Variants in MYO16 observed in about 807,000 individuals in gnomAD.
The protein encoded by MYO16 is myosin XVI.
MYO16 carries 94 observed loss-of-function variants against 205.3 expected under a neutral mutation model. The ratio of observed to expected loss-of-function variants is 0.46; its 90% CI spans 0.39 to 0.54. The LOEUF is 0.54. MYO16 is among the 20% of genes least tolerant of loss of function. The probability of loss-of-function intolerance (pLI) is 0.00; values close to 1 mark genes in which losing one functional copy is unlikely to be tolerated. For missense variants in MYO16, 2,315 were observed against 2,387.5 expected (o/e 0.97, Z 0.63); for synonymous variants, 988 against 954.0 (o/e 1.04, Z -0.66).
chr13:108,617,234 G>T (rs527328429), intron 1 of MYO16, among the ~76,000 whole-genome samples: 208 of 152,252 alleles, frequency 1.4e-3, no homozygotes, highest in Admixed American at 3.3e-3. Context: ...ACCCACCCCA[G>T]AGATTTGGAT....
At chr13:109,129,461 G>T (rs157028) in intron 31 of MYO16, among the ~76,000 whole-genome samples, 5 of 151,824 alleles carry the variant, frequency 3.3e-5, no homozygotes, top group African/African-American at 1.2e-4. Context: ...ATTCTCCCCC[G>T]GTGCCACATA....
intron 23 of MYO16, among the ~76,000 whole-genome samples, chr13:109,022,824 A>G (rs1201620343): frequency 7.4e-6 from 1 of 134,964 alleles, no homozygotes; most frequent in African/African-American, 2.8e-5. Context: ...ATTATACTCA[A>G]TATATAAACA....
intron 9 of MYO16, among the ~76,000 whole-genome samples, chr13:108,835,653 A>T (rs1876874033): frequency 6.6e-6 from 1 of 152,186 alleles, no homozygotes; most frequent in African/African-American, 2.4e-5. Context: ...GCTTTGACCA[A>T]AATGCAGATA....
chr13:108,717,694 C>CA (rs1224363832), intron 3 of MYO16, among the ~76,000 whole-genome samples: 2 of 147,784 alleles, frequency 1.4e-5, no homozygotes, highest in Non-Finnish European at 3.0e-5. Context: ...ACATATTATA[C>CA]ATGCCCAAAG....
intron 16 of MYO16, among the ~76,000 whole-genome samples, chr13:108,949,663 G>A (rs540040705): frequency 2.6e-5 from 4 of 152,068 alleles, no homozygotes; most frequent in Non-Finnish European, 4.4e-5. Context: ...AGACACGTAT[G>A]GAAGCTTATT....
intron 24 of MYO16, 133 bp from the exon 25 acceptor site, chr13:109,052,167 C>A: frequency 1.4e-6 from 1 of 718,520 alleles, no homozygotes; most frequent in African/African-American, 1.8e-5. Flanking sequence ...AAGGTAGACT[C>A]CTCAATCTGC....
chr13:109,126,372 T>C (rs949259290), intron 30 of MYO16, among the ~76,000 whole-genome samples: 8 of 152,234 alleles, frequency 5.3e-5, no homozygotes, highest in Non-Finnish European at 8.8e-5. Flanking sequence ...TCTAGCCCTG[T>C]TGGTGTTCTG....
chr13:109,125,178 C>T lies in MYO16; in HGVS notation c.3602C>T (p.Thr1201Ile), dbSNP rs764247209. ...QRISIRQQEV[T>I]SINSFLQNTE... ...ATAAGCATCAGACAACAAGAGGTGA[C>T]TTCTATCAATAGCTTTCTGCAGAAC... Residue 1201 changes from threonine to isoleucine, a missense_variant, in exon 30 of 35, where the codon ACT becomes ATT. Around this residue, in one of 3 missense-constraint regions of MYO16, gnomAD observed 1,097 missense variants for 1,092.0 expected, o/e 1.00. Coordinates refer to ENST00000457511, the MANE Select transcript of MYO16 (RefSeq NM_001198950.3). The surrounding 1 kb of genome is among the most constrained non-coding windows in gnomAD (Gnocchi z 4.0). 2 of 1,614,128 alleles carry T rather than the reference C, an allele frequency of 1.2e-6. No homozygotes were observed. The highest frequency in any genetic ancestry group is 2.2e-5 in the East Asian group (1 of 44,870).
intron 1 of MYO16, among the ~76,000 whole-genome samples, chr13:108,644,384 CT>C (rs2139385543): frequency 6.6e-6 from 1 of 150,450 alleles, no homozygotes; most frequent in South Asian, 2.2e-4. Flanking sequence ...ATCTATCTAT[CT>C]ATCTATCTAT....
intron 1 of MYO16, among the ~76,000 whole-genome samples, chr13:108,637,146 T>G (rs1013810788): frequency 1.3e-5 from 2 of 152,236 alleles, no homozygotes; most frequent in African/African-American, 4.8e-5. Context: ...TGTTCAGCCT[T>G]TATACATTTG....
intron 16 of MYO16, among the ~76,000 whole-genome samples, chr13:108,931,084 C>T (rs76129789): frequency 0.015 from 2,345 of 152,300 alleles, 59 homozygotes; most frequent in African/African-American, 0.05. Flanking sequence ...TACACCCTTA[C>T]ACACTTGTGT....
At chr13:108,614,667 A>C (rs1035811903) in intron 1 of MYO16, among the ~76,000 whole-genome samples, 2 of 152,090 alleles carry the variant, frequency 1.3e-5, no homozygotes, top group Non-Finnish European at 2.9e-5. Context: ...AGAAATAAAC[A>C]CTTATATTTA....
chr13:108,898,431 G>A (rs998351454), intron 15 of MYO16, among the ~76,000 whole-genome samples: 23 of 150,818 alleles, frequency 1.5e-4, no homozygotes, highest in African/African-American at 5.4e-4. Context: ...TGAAGTTATT[G>A]TGAATTAAAA....
Position 108,917,365 on chromosome 13 carries a change from G to A in MYO16, c.1925+7215G>A, listed in dbSNP as rs78455086. ...GGGGAAGGGAGAGCTGAGCACTAAT[G>A]AGCAAGGAGCAACATGAGGCCCTGT... On this transcript the variant is annotated intron_variant, in intron 16 of 34. Coordinates refer to ENST00000457511, the MANE Select transcript of MYO16 (RefSeq NM_001198950.3). Among the ~76,000 whole-genome samples the A allele has an allele frequency of 8.4e-3, 1,272 of 152,280 alleles. 15 individuals are homozygous for A. Among genetic ancestry groups the A allele is most frequent in the African/African-American group, 0.029 (1,216 of 41,564 alleles).
intron 7 of MYO16, among the ~76,000 whole-genome samples, chr13:108,817,688 A>G (rs1875703001): frequency 6.6e-6 from 1 of 152,220 alleles, no homozygotes; most frequent in Admixed American, 6.5e-5. Flanking sequence ...TCGTAGAAAT[A>G]CAGCTAAGAC....
At chr13:108,971,710 C>G (rs1486150396) in intron 20 of MYO16, among the ~76,000 whole-genome samples, 1 of 151,950 alleles carries the variant, frequency 6.6e-6, no homozygotes, top group East Asian at 1.9e-4. Flanking sequence ...TTGACCTAAA[C>G]ATAAACATTT....
intron 16 of MYO16, among the ~76,000 whole-genome samples, chr13:108,942,434 T>C (rs766322639): frequency 6.6e-6 from 1 of 152,208 alleles, no homozygotes; most frequent in African/African-American, 2.4e-5. Flanking sequence ...CCATTACTAA[T>C]TGGAATGCAC....
chr13:109,191,547 A>G (rs1257188808), intron 34 of MYO16, among the ~76,000 whole-genome samples: 3 of 152,116 alleles, frequency 2.0e-5, no homozygotes, highest in Non-Finnish European at 4.4e-5. Flanking sequence ...AAGCCTCCTG[A>G]GCAAAGATAT....
At chr13:108,758,978 T>C (rs1382455455) in intron 4 of MYO16, among the ~76,000 whole-genome samples, 1 of 152,218 alleles carries the variant, frequency 6.6e-6, no homozygotes, top group Non-Finnish European at 1.5e-5. Context: ...GGTACTTTAA[T>C]ATTAATAGAA....
Sources: gnomAD v4.1 joint callset for allele counts (sites outside exome capture counted in the v4.1 genomes callset) on GRCh38, gnomAD v4.1.1 for gene constraint, gnomAD v4.1.1 regional missense constraint, Gnocchi (gnomAD v3.1) non-coding constraint, MANE v1.5 for transcripts, NCBI Gene and HGNC (gene_info 2026-07-23, HGNC 2026-07-21) for gene names.